The following TCERG1L variants were observed in gnomAD, a reference collection of about 807,000 sequenced individuals.
TCERG1L encodes transcription elongation regulator 1-like protein.
In TCERG1L, 37 loss-of-function variants were observed where a neutral mutation model predicts 56.3. The ratio of observed to expected loss-of-function variants is 0.66; its 90% CI spans 0.51 to 0.87. The LOEUF is 0.87. TCERG1L is among the 40% of genes least tolerant of loss of function. The pLI is 0.00. For missense variants in TCERG1L, 799 were observed against 774.2 expected (o/e 1.03, Z -0.38); for synonymous variants, 324 against 326.3 (o/e 0.99, Z 0.08).
At chr10:131,247,272 T>C (rs958928502) in intron 4 of TCERG1L, among the ~76,000 whole-genome samples, 2 of 152,218 alleles carry the variant, frequency 1.3e-5, no homozygotes, top group African/African-American at 4.8e-5. Flanking sequence ...ATGTGTATAT[T>C]AGTTTCCATT....
At chr10:131,096,326 G>C (rs371336302) in intron 11 of TCERG1L, among the ~76,000 whole-genome samples, 1 of 152,216 alleles carries the variant, frequency 6.6e-6, no homozygotes, top group African/African-American at 2.4e-5. Context: ...CTAAGCCATG[G>C]CTAGAACCCA....
intron 4 of TCERG1L, among the ~76,000 whole-genome samples, chr10:131,216,739 T>C (rs1395135040): frequency 6.6e-6 from 1 of 152,188 alleles, no homozygotes; most frequent in Non-Finnish European, 1.5e-5. Context: ...TAGATATTGG[T>C]GGCATTTATA....
At position 131,225,530 on chromosome 10, in the gene TCERG1L, A is replaced by G. The variant is rs189518885; in HGVS notation, c.856+34729T>C. Among the ~76,000 whole-genome samples the G allele has an allele frequency of 4.6e-5, 7 of 152,326 alleles. 1 individual carries two copies. The East Asian group carries it at 1.2e-3, about 25-fold the overall frequency. ...CCGTGGCATCCACATTTCTGGATTC[A>G]TCTCAGACCCAAGATGCATTTCGAT... On this transcript the variant is annotated intron_variant, in intron 4 of 11. Transcript: ENST00000368642.
chr10:131,194,071 G>A (rs971245982), intron 4 of TCERG1L, among the ~76,000 whole-genome samples: 25 of 151,986 alleles, frequency 1.6e-4, no homozygotes, highest in Admixed American at 1.6e-3. Context: ...AACCCCCAGC[G>A]GCGTGCCTAG....
intron 4 of TCERG1L, among the ~76,000 whole-genome samples, chr10:131,186,409 C>T (rs982264109): frequency 6.6e-6 from 1 of 152,140 alleles, no homozygotes; most frequent in Non-Finnish European, 1.5e-5. Flanking sequence ...AATAGACATA[C>T]AGATTATCAA....
chr10:131,303,565 A>C (rs1846790649), intron 3 of TCERG1L, among the ~76,000 whole-genome samples: 1 of 152,074 alleles, frequency 6.6e-6, no homozygotes, highest in Non-Finnish European at 1.5e-5. Context: ...ATTTTCTTCC[A>C]TTCACGAAAT....
chr10:131,238,258 C>T (rs1213576146), intron 4 of TCERG1L, among the ~76,000 whole-genome samples: 1 of 152,084 alleles, frequency 6.6e-6, no homozygotes, highest in African/African-American at 2.4e-5. Flanking sequence ...AAGGAATCCA[C>T]ACTGGAGTAC....
chr10:131,245,685 C>T (rs955356607), intron 4 of TCERG1L, among the ~76,000 whole-genome samples: 1 of 152,190 alleles, frequency 6.6e-6, no homozygotes, highest in Admixed American at 6.5e-5. Flanking sequence ...GGGACCTTCC[C>T]GAGGGGCTCC....
Position 131,218,329 on chromosome 10 carries a change from C to T in TCERG1L, c.856+41930G>A, listed in dbSNP as rs148955343. Among the ~76,000 whole-genome samples, 235 of 152,284 alleles carry T rather than the reference C, an allele frequency of 1.5e-3. 1 individual carries two copies. Among genetic ancestry groups the T allele is most frequent in the African/African-American group, 5.2e-3 (217 of 41,558 alleles). On this transcript the variant is annotated intron_variant, in intron 4 of 11. Coordinates refer to ENST00000368642, the MANE Select transcript of TCERG1L (RefSeq NM_174937.4). Reference sequence around the variant, plus strand: ...TAAAACACAGAAACAATGCACAGCCCTGTGGAAACGCCGCATAATCCTATC... The same window carrying T: ...TAAAACACAGAAACAATGCACAGCCTTGTGGAAACGCCGCATAATCCTATC...
intron 3 of TCERG1L, among the ~76,000 whole-genome samples, chr10:131,279,636 AAAG>A (rs1390420051): frequency 2.0e-5 from 3 of 152,210 alleles, no homozygotes; most frequent in Non-Finnish European, 4.4e-5. Flanking sequence ...CCAGAAAAAC[AAAG>A]GAGAGAGAAA....
At chr10:131,136,229 G>T (rs557820620) in intron 7 of TCERG1L, among the ~76,000 whole-genome samples, 1 of 152,316 alleles carries the variant, frequency 6.6e-6, no homozygotes, top group South Asian at 2.1e-4. Context: ...TGCCTTCTGC[G>T]CGTGCTCCAC....
chr10:131,211,744 C>T lies in TCERG1L; in HGVS notation c.857-44859G>A, dbSNP rs565791279. Reference sequence around the variant, plus strand: ...TGGGCGGTGGACTCGGGCCTGAGAACGAGCCCCACCCCAAGAAGCACCAGA... The same window carrying T: ...TGGGCGGTGGACTCGGGCCTGAGAATGAGCCCCACCCCAAGAAGCACCAGA... On this transcript the variant is annotated intron_variant, in intron 4 of 11. Transcript: ENST00000368642. 2.3e-3 allele frequency among the ~76,000 whole-genome samples: 346 copies of T among 152,242 alleles called. 2 individuals are homozygous for T. Among genetic ancestry groups the T allele is most frequent in the African/African-American group, 7.9e-3 (330 of 41,546 alleles).
chr10:131,231,217 T>C (rs893116611), intron 4 of TCERG1L, among the ~76,000 whole-genome samples: 3 of 152,196 alleles, frequency 2.0e-5, no homozygotes, highest in South Asian at 2.1e-4. Flanking sequence ...CGGCGGACAC[T>C]GAGGGTTGCG....
rs894288962 is a variant in TCERG1L at position 131,116,838 on chromosome 10, C to T, written c.1356G>A (p.Glu452=). 1 of 1,578,094 alleles carries T rather than the reference C, an allele frequency of 6.3e-7. No individual in the cohort carries two copies. The highest frequency in any genetic ancestry group is 8.6e-7 in the Non-Finnish European group (1 of 1,162,452). ...GCATGTCTCGGAAGTGGGTCACACG[C>T]TCCTCCAGAGGCAGGAGGATCTGCG... ...PPPQILLPLE[E]RVTHFRDMLL... Residue 452 remains glutamate (E), a synonymous_variant, in exon 9 of 12, where the codon GAG becomes GAA. Coordinates refer to ENST00000368642, the MANE Select transcript of TCERG1L (RefSeq NM_174937.4).
chr10:131,173,682 G>A (rs1241854914), intron 4 of TCERG1L, among the ~76,000 whole-genome samples: 1 of 152,250 alleles, frequency 6.6e-6, no homozygotes, highest in South Asian at 2.1e-4. Flanking sequence ...GAGAAGCCCA[G>A]GGGCCTGAGG....
intron 8 of TCERG1L, among the ~76,000 whole-genome samples, chr10:131,117,697 G>A (rs546741824): frequency 5.9e-4 from 90 of 152,302 alleles, no homozygotes; most frequent in Non-Finnish European, 1.1e-3. Flanking sequence ...ACTCCCTTCC[G>A]AACCACACGG....
chr10:131,136,169 A>G (rs1589725202), intron 7 of TCERG1L, among the ~76,000 whole-genome samples: 2 of 152,354 alleles, frequency 1.3e-5, no homozygotes, highest in African/African-American at 4.8e-5. Flanking sequence ...CTGGGGGGCC[A>G]TGGAAGGGAA....
intron 6 of TCERG1L, among the ~76,000 whole-genome samples, chr10:131,151,837 G>A (rs1374659072): frequency 1.3e-5 from 2 of 152,194 alleles, no homozygotes. Context: ...TAAAATCTAG[G>A]TGGAGGTTCC....
At chr10:131,098,911 G>A (rs1159342683) in intron 10 of TCERG1L, among the ~76,000 whole-genome samples, 1 of 152,168 alleles carries the variant, frequency 6.6e-6, no homozygotes, top group Non-Finnish European at 1.5e-5. Context: ...ATTGACATTC[G>A]AGTCTCCCAA....
Sources: allele counts gnomAD v4.1 joint callset (sites outside exome capture counted in the v4.1 genomes callset), GRCh38; gene constraint gnomAD v4.1.1; transcripts MANE v1.5; gene names NCBI Gene and HGNC (gene_info 2026-07-23, HGNC 2026-07-21).